Variants in OLAH observed in about 807,000 individuals in gnomAD.
OLAH encodes S-acyl fatty acid synthase thioesterase, medium chain.
In OLAH, 33 loss-of-function variants were observed where a neutral mutation model predicts 27.8. The ratio of observed to expected loss-of-function variants is 1.19; its 90% confidence interval spans 0.90 to 1.59. The LOEUF is 1.59. Among genes scored for constraint, OLAH ranks in the 40% most tolerant of loss-of-function variants. The pLI, the probability that OLAH is intolerant of heterozygous loss-of-function variation, is 0.00. For missense variants in OLAH, 359 were observed against 310.8 expected, an observed-to-expected ratio of 1.16 and a Z score of -1.17; for synonymous variants, 120 against 102.9, an observed-to-expected ratio of 1.17 and a Z score of -1.01.
rs114542587 is a variant in OLAH, at chr10:15,073,383, G to C, written c.*154G>C. 1,755 of 602,004 alleles carry C rather than the reference G, an allele frequency of 2.9e-3. 21 individuals carry two copies. The African/African-American group carries it at 0.03, about 10-fold the overall frequency. 37.3% of individuals were successfully genotyped at this position (602,004 alleles called of 1,614,324 possible). ...ATATATTTACGTATCTGGGGACAAA[G>C]GTCAAGCCAGTAAAGAATACTTCTG... is the stretch of plus-strand genomic sequence containing the variant. On this transcript the variant is annotated 3_prime_UTR_variant, in exon 8 of 8. Coordinates refer to ENST00000378228, the MANE Select transcript of OLAH (RefSeq NM_001039702.3).
intron 4 of OLAH, among the ~76,000 whole-genome samples, chr10:15,062,741 CTTTTT>C (rs773373248): frequency 7.1e-6 from 1 of 140,154 alleles, no homozygotes; most frequent in Admixed American, 7.2e-5. Flanking sequence ...AGTGAACATT[CTTTTT>C]TTTTTTTTTT....
chr10:15,043,884 T>C (rs1019131257), upstream of OLAH: 4 of 152,274 alleles, frequency 2.6e-5, no homozygotes, highest in African/African-American at 7.2e-5. Flanking sequence ...TCTTTCATAA[T>C]GTTCTGAGAT....
upstream of OLAH, among the ~76,000 whole-genome samples, chr10:15,043,649 G>A (rs534156217): frequency 2.5e-4 from 38 of 151,952 alleles, no homozygotes; most frequent in South Asian, 7.9e-3. Context: ...GTATTTTTTA[G>A]TAGAGGTGGA....
At chr10:15,061,119 A>G (rs952478787) in intron 3 of OLAH, among the ~76,000 whole-genome samples, 6 of 152,148 alleles carry the variant, frequency 3.9e-5, no homozygotes, top group Non-Finnish European at 8.8e-5. Flanking sequence ...CCAAGATAAC[A>G]TAAATAAACT....
chr10:15,067,362 C>T (rs1844488978), intron 6 of OLAH, among the ~76,000 whole-genome samples: 1 of 145,430 alleles, frequency 6.9e-6, no homozygotes, highest in Non-Finnish European at 1.5e-5. Flanking sequence ...GTCTGTGTCT[C>T]ATCTCATCAA....
At chr10:15,033,656 G>C (rs1333149552) in intron 1 of OLAH, among the ~76,000 whole-genome samples, 3 of 152,130 alleles carry the variant, frequency 2.0e-5, no homozygotes, top group Non-Finnish European at 4.4e-5. Flanking sequence ...CAGTATGAAG[G>C]CACCTGCAGT....
At chr10:15,045,122 C>T (rs1843990738) in intron 1 of OLAH, among the ~76,000 whole-genome samples, 2 of 152,156 alleles carry the variant, frequency 1.3e-5, no homozygotes, top group Admixed American at 1.3e-4. Context: ...CGGAGGATGC[C>T]TCCAGTGTTG....
rs557980742 is a variant in OLAH at position 15,073,528 on chromosome 10, T to C, written c.*299T>C. 53 of 224,798 alleles carry C rather than the reference T, an allele frequency of 2.4e-4. 1 individual carries two copies. In the East Asian group the frequency reaches 4.7e-3, roughly 20 times the overall value. 13.9% of individuals were successfully genotyped at this position (224,798 alleles called of 1,614,324 possible). ...ACACAAAATTAGCCGGGCGTGGTGG[T>C]GGGCACCTGTAGTCCCAGCTACTCG... is the stretch of plus-strand genomic sequence containing the variant. On this transcript the variant is annotated 3_prime_UTR_variant, in exon 8 of 8. Transcript: ENST00000378228.
At chr10:15,044,196 A>G (rs1196244669) in intron 1 of OLAH, among the ~76,000 whole-genome samples, 1 of 151,814 alleles carries the variant, frequency 6.6e-6, no homozygotes, top group Admixed American at 6.6e-5. Flanking sequence ...TATTTGTTTT[A>G]CCTGTTCTAT....
upstream of OLAH, among the ~76,000 whole-genome samples, chr10:15,043,027 A>AT (rs1339683835): frequency 5.3e-5 from 8 of 151,466 alleles, no homozygotes; most frequent in South Asian, 1.5e-3. Context: ...CACCCAGCTA[A>AT]TTTTTTGTAT....
intron 6 of OLAH, among the ~76,000 whole-genome samples, chr10:15,069,924 G>A (rs1006100632): frequency 5.9e-5 from 9 of 152,048 alleles, no homozygotes; most frequent in Non-Finnish European, 8.8e-5. Context: ...CTAACACACC[G>A]TTCTCACTGT....
rs766627854 is a variant in OLAH, at chr10:15,051,657, AC to A, written c.163+1893del. On this transcript the variant is annotated intron_variant, in intron 3 of 7. Transcript: ENST00000378228. ...TTTTTCTTCCTTCTCCTCTAAAAAA[AC>A]GGTTGTATTATTTTTACTCTATCAG... is the stretch of plus-strand genomic sequence containing the variant. 5.3e-5 allele frequency among the ~76,000 whole-genome samples: 8 copies of A among 152,120 alleles called. No individual in the cohort carries two copies. In the South Asian group the frequency reaches 6.2e-4, roughly 12 times the overall value.
intron 3 of OLAH, among the ~76,000 whole-genome samples, chr10:15,053,786 C>G (rs1336803087): frequency 6.6e-6 from 1 of 151,974 alleles, no homozygotes; most frequent in Middle Eastern, 3.2e-3. Context: ...GCAATCACAG[C>G]TCACTGCAGC....
intron 2 of OLAH, among the ~76,000 whole-genome samples, chr10:15,049,062 C>T (rs907405943): frequency 6.7e-6 from 1 of 149,020 alleles, no homozygotes; most frequent in Admixed American, 6.8e-5. Context: ...GACATTACGC[C>T]GCTACATTCC....
At chr10:15,056,145 G>A (rs552462388) in intron 3 of OLAH, among the ~76,000 whole-genome samples, 3 of 152,168 alleles carry the variant, frequency 2.0e-5, no homozygotes, top group African/African-American at 7.2e-5. Flanking sequence ...TCTGAAACTT[G>A]CTTTTCCCAC....
At chr10:15,059,257 GCTCACTGTAGC>G (rs1394851736) in intron 3 of OLAH, among the ~76,000 whole-genome samples, 1 of 145,740 alleles carries the variant, frequency 6.9e-6, no homozygotes. Flanking sequence ...CACAATCACG[GCTCACTGTAGC>G]CTCAACCTCC....
chr10:15,038,131 G>A (rs1236712581), intron 1 of OLAH, among the ~76,000 whole-genome samples: 1 of 152,242 alleles, frequency 6.6e-6, no homozygotes, highest in East Asian at 1.9e-4. Context: ...GGACTGGCAT[G>A]GGGCCTGTAG....
At chr10:15,044,407 A>G (rs757675489) in intron 1 of OLAH, among the ~76,000 whole-genome samples, 11 of 151,536 alleles carry the variant, frequency 7.3e-5, no homozygotes, top group Non-Finnish European at 1.0e-4. Context: ...TGGCTTTGAC[A>G]TTATTTTTGC....
intron 1 of OLAH, among the ~76,000 whole-genome samples, chr10:15,036,950 A>G (rs892012452): frequency 6.6e-6 from 1 of 151,846 alleles, no homozygotes; most frequent in Non-Finnish European, 1.5e-5. Context: ...ATGGTGGTGC[A>G]TGTCTGTAAT....
Sources: allele counts gnomAD v4.1 joint callset (sites outside exome capture counted in the v4.1 genomes callset), GRCh38; gene constraint gnomAD v4.1.1; transcripts MANE v1.5; gene names NCBI Gene and HGNC (gene_info 2026-07-23, HGNC 2026-07-21).